WNT7A: variants seen among roughly 807,000 people sequenced by gnomAD.
The protein encoded by WNT7A is Wnt family member 7A.
In WNT7A, 16 loss-of-function variants were observed where a neutral mutation model predicts 28.2. That is an observed-to-expected ratio of 0.57 (90% CI 0.38 to 0.86). The LOEUF (loss-of-function observed/expected upper bound fraction) is 0.86. Ranked by LOEUF, WNT7A falls within the 40% of genes least tolerant of loss-of-function variation. The pLI is 0.00. For synonymous variants in WNT7A, 190 were observed against 195.9 expected (o/e 0.97, Z 0.25); for missense variants, 411 against 489.7 (o/e 0.84, Z 1.52).
chr3:13,834,418 G>T (rs1478129094), intron 3 of WNT7A, among the ~76,000 whole-genome samples: 1 of 152,122 alleles, frequency 6.6e-6, no homozygotes, highest in Non-Finnish European at 1.5e-5. Context: ...CACGCTGTGG[G>T]TCAGGTGCAC....
chr3:13,847,587 T>C (rs1401767596), intron 3 of WNT7A, among the ~76,000 whole-genome samples: 1 of 152,196 alleles, frequency 6.6e-6, no homozygotes, highest in Non-Finnish European at 1.5e-5. Flanking sequence ...GGTTCCCGGA[T>C]TTAGCACATA....
chr3:13,848,778 A>C (rs73019626), intron 3 of WNT7A, among the ~76,000 whole-genome samples: 29,021 of 152,106 alleles, frequency 0.19, 3,110 homozygotes, highest in East Asian at 0.53. Flanking sequence ...CACACACAAA[A>C]AAAAAACCTG....
chr3:13,840,790 T>A (rs187898509), intron 3 of WNT7A, among the ~76,000 whole-genome samples: 1 of 152,128 alleles, frequency 6.6e-6, no homozygotes, highest in East Asian at 1.9e-4. Flanking sequence ...CATCCATCTA[T>A]CCATTTGTGC....
At position 13,874,222 on chromosome 3, in the gene WNT7A, C is replaced by T. The variant is rs560300492; in HGVS notation, c.298+725G>A. ...GCAGTTTCTGGTCCCCTAATGCACA[C>T]GCACACAAGCCAGAAGACACACAGC... On this transcript the variant is annotated intron_variant, in intron 2 of 3. Coordinates refer to ENST00000285018, the MANE Select transcript of WNT7A (RefSeq NM_004625.4). Among the ~76,000 whole-genome samples, 42 of 152,318 alleles carry T rather than the reference C, an allele frequency of 2.8e-4. No individual in the cohort carries two copies. In the South Asian group the frequency reaches 4.1e-3, roughly 15 times the overall value.
intron 3 of WNT7A, among the ~76,000 whole-genome samples, chr3:13,840,069 G>T (rs1167699140): frequency 6.6e-6 from 1 of 152,164 alleles, no homozygotes; most frequent in African/African-American, 2.4e-5. Context: ...ATCTCTCTGT[G>T]ACCTCCTCTC....
chr3:13,874,201 T>C (rs562757140), intron 2 of WNT7A, among the ~76,000 whole-genome samples: 1 of 152,280 alleles, frequency 6.6e-6, no homozygotes, highest in South Asian at 2.1e-4. Flanking sequence ...CCTGTGGCAG[T>C]TTCTGGTCCC....
chr3:13,844,325 TG>T (rs1694505366), intron 3 of WNT7A, among the ~76,000 whole-genome samples: 1 of 152,206 alleles, frequency 6.6e-6, no homozygotes, highest in Non-Finnish European at 1.5e-5. Context: ...GCACTTGGGA[TG>T]GGACCAGCAC....
intron 3 of WNT7A, among the ~76,000 whole-genome samples, chr3:13,830,295 C>G (rs1003356431): frequency 2.0e-5 from 3 of 152,152 alleles, no homozygotes; most frequent in African/African-American, 7.2e-5. Flanking sequence ...CAACCTCAGG[C>G]TGGAGGGCTG....
chr3:13,873,329 T>G (rs9868948), intron 2 of WNT7A, among the ~76,000 whole-genome samples: 120,297 of 151,504 alleles, frequency 0.79, 48,673 homozygotes, highest in East Asian at 0.99. Flanking sequence ...AAATGTCACC[T>G]GGTGACATTT....
At chr3:13,871,619 A>C (rs1475364082) in intron 2 of WNT7A, among the ~76,000 whole-genome samples, 1 of 150,962 alleles carries the variant, frequency 6.6e-6, no homozygotes, top group African/African-American at 2.4e-5. Flanking sequence ...CCTTCTTCCT[A>C]GCTGGCCCTT....
At chr3:13,857,127 A>G (rs1694759548) in intron 2 of WNT7A, among the ~76,000 whole-genome samples, 1 of 152,194 alleles carries the variant, frequency 6.6e-6, no homozygotes, top group Non-Finnish European at 1.5e-5. Flanking sequence ...AAAACCCAAC[A>G]ATGCCTTTGC....
At chr3:13,850,872 C>G (rs1559301349) in intron 3 of WNT7A, among the ~76,000 whole-genome samples, 1 of 152,070 alleles carries the variant, frequency 6.6e-6, no homozygotes, top group Non-Finnish European at 1.5e-5. Flanking sequence ...ACAAATGCAC[C>G]CAGAAGGCCC....
intron 2 of WNT7A, among the ~76,000 whole-genome samples, chr3:13,857,749 G>T (rs1306891117): frequency 1.3e-5 from 2 of 152,084 alleles, no homozygotes; most frequent in Non-Finnish European, 2.9e-5. Flanking sequence ...TCAATATCCA[G>T]AATAGACCCT....
At position 13,866,301 on chromosome 3, in the gene WNT7A, G is replaced by T. The variant is rs148586642; in HGVS notation, c.298+8646C>A. On this transcript the variant is annotated intron_variant, in intron 2 of 3. Transcript: ENST00000285018. The stretch of plus-strand genomic sequence containing the variant: ...AATAACAACACAGCTACGATGTATG[G>T]GGCACTTCCTGTGTGCCAGGCACAG... Among the ~76,000 whole-genome samples, 117 of 152,296 alleles carry T rather than the reference G, an allele frequency of 7.7e-4. 2 individuals carry two copies. In the East Asian group the frequency reaches 0.016, roughly 21 times the overall value.
At chr3:13,868,886 A>AGGAG (rs375612638) in intron 2 of WNT7A, among the ~76,000 whole-genome samples, 7 of 135,818 alleles carry the variant, frequency 5.2e-5, no homozygotes. Flanking sequence ...GAGAGAAGGA[A>AGGAG]GGAGGGAGGG....
chr3:13,846,863 G>T (rs1300536334), intron 3 of WNT7A, among the ~76,000 whole-genome samples: 2 of 152,166 alleles, frequency 1.3e-5, no homozygotes, highest in East Asian at 3.9e-4. Flanking sequence ...CGCCTCCTCA[G>T]GGCCTGCCCC....
chr3:13,841,271 A>G (rs532059593), intron 3 of WNT7A, among the ~76,000 whole-genome samples: 16 of 152,234 alleles, frequency 1.1e-4, no homozygotes, highest in Non-Finnish European at 1.5e-4. Context: ...GGCAGGAACC[A>G]GTTTTTAGTG....
chr3:13,834,818 C>A (rs1431712673), intron 3 of WNT7A, among the ~76,000 whole-genome samples: 2 of 152,178 alleles, frequency 1.3e-5, no homozygotes, highest in Admixed American at 6.5e-5. Context: ...AAATGTGACA[C>A]AGCACACGTT....
In WNT7A at chr3:13,879,957, G is replaced by T; in HGVS notation, c.-141C>A. 1 of 559,096 alleles carries T rather than the reference G, an allele frequency of 1.8e-6. No homozygotes were observed. Among genetic ancestry groups the T allele is most frequent in the Non-Finnish European group, 2.7e-6 (1 of 366,588 alleles). The allele number at this position is 559,096 out of a possible 1,614,324, so 34.6% of individuals were successfully genotyped here. Reference sequence around the variant, plus strand: ...CGTCTGTCGGTGCGCCCGTCCGCGCGCTCCGCGCCTGAGCCTCGCCAGGAG... The same window carrying T: ...CGTCTGTCGGTGCGCCCGTCCGCGCTCTCCGCGCCTGAGCCTCGCCAGGAG... On this transcript the variant is annotated 5_prime_UTR_variant, in exon 1 of 4. Coordinates refer to ENST00000285018, the MANE Select transcript of WNT7A (RefSeq NM_004625.4).
Sources: allele counts gnomAD v4.1 joint callset (sites outside exome capture counted in the v4.1 genomes callset), GRCh38; gene constraint gnomAD v4.1.1; transcripts MANE v1.5; gene names NCBI Gene and HGNC (gene_info 2026-07-23, HGNC 2026-07-21).